CA10: variants seen among roughly 807,000 people sequenced by gnomAD.
The protein encoded by CA10 is carbonic anhydrase 10 (inactive), also known as carbonic anhydrase-related protein 10.
A neutral mutation model predicts 44.2 loss-of-function variants in CA10; 14 were observed. The observed-to-expected ratio is 0.32, with a 90% confidence interval of 0.21 to 0.50. CA10 has a LOEUF of 0.50. CA10 is among the 20% of genes least tolerant of loss of function. The pLI is 0.99. For synonymous variants in CA10, 159 were observed against 141.6 expected (o/e 1.12, Z -0.87); for missense variants, 350 against 409.7 (o/e 0.85, Z 1.26).
chr17:52,134,648 G>T (rs1010874813), intron 1 of CA10, among the ~76,000 whole-genome samples: 1 of 152,018 alleles, frequency 6.6e-6, no homozygotes, highest in Non-Finnish European at 1.5e-5. Flanking sequence ...ATACTCTCTG[G>T]GAGAAAGAAT....
At chr17:51,756,954 C>T (rs1470281041) in intron 3 of CA10, among the ~76,000 whole-genome samples, 1 of 152,172 alleles carries the variant, frequency 6.6e-6, no homozygotes. Flanking sequence ...TCATACCTGC[C>T]TCTCCTAGTG....
Position 51,911,972 on chromosome 17 carries a change from T to A in CA10, c.279+19018A>T, listed in dbSNP as rs182590972. Among the ~76,000 whole-genome samples, 20 of 152,264 alleles carry A rather than the reference T, an allele frequency of 1.3e-4. 1 individual carries two copies. Among genetic ancestry groups the A allele is most frequent in the Admixed American group, 1.1e-3 (17 of 15,280 alleles). ...TAGACATGGTTAAATGTATGACAAA[T>A]TATAATTACATGAGCAATTACTTTA... On this transcript the variant is annotated intron_variant, in intron 3 of 8. Transcript: ENST00000451037.
chr17:51,963,705 C>T (rs1187171823), intron 2 of CA10, among the ~76,000 whole-genome samples: 2 of 152,070 alleles, frequency 1.3e-5, no homozygotes, highest in African/African-American at 4.8e-5. Context: ...ATTTTAAAGA[C>T]AAACAAGTGC....
chr17:52,041,198 G>A (rs919364371), intron 2 of CA10, among the ~76,000 whole-genome samples: 4 of 151,926 alleles, frequency 2.6e-5, no homozygotes, highest in Non-Finnish European at 5.9e-5. Flanking sequence ...AACCCAAAAA[G>A]TAAAATTCAC....
intron 3 of CA10, among the ~76,000 whole-genome samples, chr17:51,906,895 T>G (rs1981578941): frequency 6.6e-6 from 1 of 152,156 alleles, no homozygotes; most frequent in South Asian, 2.1e-4. Context: ...TATCTGCACC[T>G]TGCATCAACC....
intron 4 of CA10, among the ~76,000 whole-genome samples, chr17:51,704,765 C>T (rs1430384837): frequency 6.6e-6 from 1 of 152,096 alleles, no homozygotes; most frequent in Non-Finnish European, 1.5e-5. Flanking sequence ...GAGTTCAAGA[C>T]CAGCCTGGCC....
rs200191508 is a variant in CA10 at position 51,931,152 on chromosome 17, A to T, written c.137-20T>A. 7.3e-4 allele frequency: 1,176 copies of T among 1,612,586 alleles called. 9 individuals carry two copies. In the Middle Eastern group the frequency reaches 9.1e-3, roughly 12 times the overall value. The stretch of plus-strand genomic sequence containing the variant: ...AAGGAACTAGAAACAAAAAGAAATT[A>T]TAGAATTAGGCTGAGTAGCAGGTTG... On this transcript the variant is annotated intron_variant, in intron 2 of 8. Coordinates refer to ENST00000451037, the MANE Select transcript of CA10 (RefSeq NM_020178.5).
chr17:51,793,518 A>AC (rs991991746), intron 3 of CA10, among the ~76,000 whole-genome samples: 4 of 152,214 alleles, frequency 2.6e-5, no homozygotes, highest in African/African-American at 7.2e-5. Context: ...GAGGCTGGAT[A>AC]CCCCACAGAA....
chr17:51,817,050 C>T (rs908846629), intron 3 of CA10, among the ~76,000 whole-genome samples: 32 of 152,194 alleles, frequency 2.1e-4, no homozygotes, highest in Admixed American at 1.2e-3. Flanking sequence ...CTGTAATTAA[C>T]CTTGCCAAAC....
At chr17:51,676,896 C>G (rs1914641711) in intron 4 of CA10, among the ~76,000 whole-genome samples, 1 of 152,146 alleles carries the variant, frequency 6.6e-6, no homozygotes, top group Non-Finnish European at 1.5e-5. Flanking sequence ...CCCAGGCCAG[C>G]CTGCAAATGT....
chr17:52,067,106 G>C (rs2143117041), intron 2 of CA10, among the ~76,000 whole-genome samples: 1 of 152,306 alleles, frequency 6.6e-6, no homozygotes, highest in East Asian at 1.9e-4. Flanking sequence ...TAATAGCCAA[G>C]ACAATGGGGA....
intron 3 of CA10, among the ~76,000 whole-genome samples, chr17:51,802,307 G>GAT (rs1906962327): frequency 6.6e-6 from 1 of 152,106 alleles, no homozygotes; most frequent in African/African-American, 2.4e-5. Flanking sequence ...ACATGATAGT[G>GAT]GAGCAATTTA....
chr17:52,051,895 T>C (rs534796745), intron 2 of CA10, among the ~76,000 whole-genome samples: 1 of 152,178 alleles, frequency 6.6e-6, no homozygotes, highest in Admixed American at 6.6e-5. Context: ...CCATCAATGA[T>C]AGACTGGATG....
chr17:52,029,317 T>C (rs2144169496), intron 2 of CA10, among the ~76,000 whole-genome samples: 1 of 152,220 alleles, frequency 6.6e-6, no homozygotes, highest in South Asian at 2.1e-4. Context: ...TTTCAAGAGA[T>C]GGTATCAAAA....
chr17:51,873,133 G>A (rs1043748743), intron 3 of CA10, among the ~76,000 whole-genome samples: 3 of 151,896 alleles, frequency 2.0e-5, no homozygotes, highest in African/African-American at 7.3e-5. Flanking sequence ...TCTCTGCATT[G>A]TTTTTTTTCC....
At chr17:51,800,522 A>G (rs889939459) in intron 3 of CA10, among the ~76,000 whole-genome samples, 1 of 152,116 alleles carries the variant, frequency 6.6e-6, no homozygotes, top group Non-Finnish European at 1.5e-5. Flanking sequence ...AAAAACAAGA[A>G]CCAAATGAGA....
chr17:51,837,041 A>G (rs889364770), intron 3 of CA10, among the ~76,000 whole-genome samples: 5 of 151,900 alleles, frequency 3.3e-5, no homozygotes, highest in East Asian at 1.9e-4. Flanking sequence ...TTATAATGCC[A>G]TAAGAAACAA....
At chr17:52,085,735 C>T (rs1009373032) in intron 1 of CA10, among the ~76,000 whole-genome samples, 2 of 152,008 alleles carry the variant, frequency 1.3e-5, no homozygotes, top group African/African-American at 2.4e-5. Flanking sequence ...GAATAGGTGC[C>T]CTGTAAATGT....
chr17:51,879,710 C>A (rs141336512), intron 3 of CA10, among the ~76,000 whole-genome samples: 397 of 152,300 alleles, frequency 2.6e-3, no homozygotes, highest in Non-Finnish European at 3.8e-3. Context: ...GAGGTCATTG[C>A]TCCCAACAGA....
Sources: gnomAD v4.1 joint callset for allele counts (sites outside exome capture counted in the v4.1 genomes callset) on GRCh38, gnomAD v4.1.1 for gene constraint, MANE v1.5 for transcripts, NCBI Gene and HGNC (gene_info 2026-07-23, HGNC 2026-07-21) for gene names.